Variants in TAFA1 observed in about 807,000 individuals in gnomAD.
TAFA1 encodes the protein TAFA chemokine like family member 1, also known as chemokine-like protein TAFA-1.
In TAFA1, 4 loss-of-function variants were observed where a neutral mutation model predicts 18.5. That is an observed-to-expected ratio of 0.22 (90% confidence interval 0.11 to 0.49). TAFA1 has a LOEUF of 0.49. TAFA1 is among the 20% of genes least tolerant of loss of function. The pLI, the probability that TAFA1 is intolerant of heterozygous loss-of-function variation, is 0.98. For missense variants in TAFA1, 147 were observed against 169.0 expected (o/e 0.87, Z 0.72); for synonymous variants, 56 against 55.2 (o/e 1.01, Z -0.06).
At chr3:68,296,338 T>G (rs1436096154) in intron 2 of TAFA1, among the ~76,000 whole-genome samples, 1 of 152,214 alleles carries the variant, frequency 6.6e-6, no homozygotes, top group Non-Finnish European at 1.5e-5. Context: ...AATTACTGCC[T>G]GTTTGGTTGA....
chr3:68,226,565 A>G (rs2066803483), intron 2 of TAFA1, among the ~76,000 whole-genome samples: 1 of 152,100 alleles, frequency 6.6e-6, no homozygotes, highest in African/African-American at 2.4e-5. Flanking sequence ...CTTGGCCTCA[A>G]GGACCTAATC....
intron 2 of TAFA1, among the ~76,000 whole-genome samples, chr3:68,345,154 C>A (rs1321204548): frequency 6.6e-6 from 1 of 152,058 alleles, no homozygotes; most frequent in East Asian, 1.9e-4. Flanking sequence ...GAAGAGATCA[C>A]CATTTTGAAC....
At chr3:68,383,133 T>C (rs1005494495) in intron 2 of TAFA1, among the ~76,000 whole-genome samples, 2 of 152,124 alleles carry the variant, frequency 1.3e-5, no homozygotes, top group Non-Finnish European at 2.9e-5. Context: ...AGATATAGGA[T>C]CATGTCATCA....
chr3:67,999,291 G>GTGTGTGTGTGTGTGTGTGTGTGTGTGTC, upstream of TAFA1, among the ~76,000 whole-genome samples: 1 of 146,294 alleles, frequency 6.8e-6, no homozygotes, highest in African/African-American at 2.6e-5. Context: ...CTCTCTCTGT[G>GTGTGTGTGTGTGTGTGTGTGTGTGTGTC]TGTGTGTGTG....
chr3:68,313,566 A>C (rs2068558092), intron 2 of TAFA1, among the ~76,000 whole-genome samples: 1 of 152,236 alleles, frequency 6.6e-6, no homozygotes, highest in Non-Finnish European at 1.5e-5. Flanking sequence ...TGTATGCTGG[A>C]GTTGACAAAG....
rs369076520 is a variant in TAFA1 at position 68,293,599 on chromosome 3, C to T, written c.119-123681C>T. Among the ~76,000 whole-genome samples, 88 of 152,274 alleles carry T rather than the reference C, an allele frequency of 5.8e-4. 1 individual carries two copies. The East Asian group carries it at 0.015, about 25-fold the overall frequency. On this transcript the variant is annotated intron_variant, in intron 2 of 4. Transcript: ENST00000478136. The stretch of plus-strand genomic sequence containing the variant: ...AATAGTAGCATCTGCATCCTTGGGT[C>T]TCTGTAAGAATTAATGAGATATTGC...
At chr3:68,403,105 C>T (rs2106752804) in intron 2 of TAFA1, among the ~76,000 whole-genome samples, 1 of 152,254 alleles carries the variant, frequency 6.6e-6, no homozygotes, top group East Asian at 1.9e-4. Context: ...GTATGCAGTA[C>T]AATAGCATGC....
rs1010232855 is a variant in TAFA1 at position 68,545,240 on chromosome 3, A to G, written c.*737A>G. 1.3e-5 allele frequency: 2 copies of G among 152,582 alleles called. No individual in the cohort carries two copies. Among genetic ancestry groups the G allele is most frequent in the African/African-American group, 2.4e-5 (1 of 41,436 alleles). The allele number at this position is 152,582 out of a possible 1,614,324, so 9.5% of individuals were successfully genotyped here. A position where few individuals can be genotyped will look rare whatever the true frequency, so the allele number is the denominator to read the frequency against. On this transcript the variant is annotated 3_prime_UTR_variant, in exon 5 of 5. Transcript: ENST00000478136. ...CCAGGAAAATATTTTTAGAACTACT[A>G]GCTTTTCCACTTAGAAGAAAATGAG...
At chr3:68,141,413 C>T (rs6549019) in intron 2 of TAFA1, among the ~76,000 whole-genome samples, 33,432 of 151,900 alleles carry the variant, frequency 0.22, 3,934 homozygotes, top group East Asian at 0.42. Context: ...GTAGACAAAC[C>T]CTTTATTAAG....
chr3:68,183,319 A>G (rs550679095), intron 2 of TAFA1, among the ~76,000 whole-genome samples: 1 of 152,284 alleles, frequency 6.6e-6, no homozygotes, highest in African/African-American at 2.4e-5. Flanking sequence ...ATTATGCCCC[A>G]TGATTGGACA....
intron 2 of TAFA1, among the ~76,000 whole-genome samples, chr3:68,028,993 T>C (rs1475205948): frequency 2.0e-5 from 3 of 152,118 alleles, no homozygotes; most frequent in African/African-American, 4.8e-5. Context: ...GCTGAAGCTA[T>C]CCACTTACCT....
chr3:68,042,440 A>G (rs1272548311), intron 2 of TAFA1, among the ~76,000 whole-genome samples: 1 of 152,206 alleles, frequency 6.6e-6, no homozygotes, highest in East Asian at 1.9e-4. Context: ...ACCTGAGGTC[A>G]GGAGTTCAAG....
intron 2 of TAFA1, among the ~76,000 whole-genome samples, chr3:68,007,763 G>C (rs1253854065): frequency 2.6e-5 from 4 of 152,112 alleles, no homozygotes; most frequent in Non-Finnish European, 4.4e-5. Context: ...CATCCGTCGA[G>C]CTTCCTCCTG....
At chr3:68,308,665 A>G (rs998959833) in intron 2 of TAFA1, among the ~76,000 whole-genome samples, 2 of 152,158 alleles carry the variant, frequency 1.3e-5, no homozygotes, top group Non-Finnish European at 2.9e-5. Context: ...ACTTGCATGG[A>G]AAATTTGTCA....
intron 2 of TAFA1, among the ~76,000 whole-genome samples, chr3:68,078,119 G>A (rs1375918465): frequency 6.6e-6 from 1 of 151,828 alleles, no homozygotes; most frequent in African/African-American, 2.4e-5. Flanking sequence ...TTTGTCTGTT[G>A]TTGGTGTATA....
intron 3 of TAFA1, among the ~76,000 whole-genome samples, chr3:68,473,077 G>T (rs2072030608): frequency 6.6e-6 from 1 of 152,206 alleles, no homozygotes; most frequent in Admixed American, 6.5e-5. Context: ...CAAGATCAAA[G>T]TGATTGATTT....
intron 2 of TAFA1, among the ~76,000 whole-genome samples, chr3:68,183,320 T>G (rs2066229764): frequency 6.6e-6 from 1 of 152,142 alleles, no homozygotes; most frequent in Non-Finnish European, 1.5e-5. Flanking sequence ...TTATGCCCCA[T>G]GATTGGACAG....
intron 2 of TAFA1, among the ~76,000 whole-genome samples, chr3:68,198,188 T>C (rs1317596734): frequency 1.3e-5 from 2 of 151,702 alleles, no homozygotes; most frequent in Non-Finnish European, 3.0e-5. Flanking sequence ...TTTATCCATG[T>C]CTGTTTAGAG....
At position 68,404,626 on chromosome 3, in the gene TAFA1, G is replaced by A. The variant is rs139932683; in HGVS notation, c.119-12654G>A. 4.1e-3 allele frequency among the ~76,000 whole-genome samples: 621 copies of A among 152,040 alleles called. 8 individuals carry two copies. Among genetic ancestry groups the A allele is most frequent in the African/African-American group, 0.013 (555 of 41,494 alleles). Reference sequence around the variant, plus strand: ...AGCCTGGCCAACATAGTGAAATCCCGTCTCTACTAAAAACAGAAAAATTAG... The same window carrying A: ...AGCCTGGCCAACATAGTGAAATCCCATCTCTACTAAAAACAGAAAAATTAG... On this transcript the variant is annotated intron_variant, in intron 2 of 4. Coordinates refer to ENST00000478136, the MANE Select transcript of TAFA1 (RefSeq NM_213609.4).
Sources: allele counts gnomAD v4.1 joint callset (sites outside exome capture counted in the v4.1 genomes callset), GRCh38; gene constraint gnomAD v4.1.1; transcripts MANE v1.5; gene names NCBI Gene and HGNC (gene_info 2026-07-23, HGNC 2026-07-21).